The following ERN1 variants were observed in gnomAD, a reference collection of about 807,000 sequenced individuals.
ERN1 encodes the protein endoplasmic reticulum to nucleus signaling 1.
Under a neutral mutation model 113.1 loss-of-function variants are expected in ERN1, and 39 were observed. The observed-to-expected ratio is 0.34, with a 90% confidence interval of 0.27 to 0.45. The LOEUF is 0.45. Ranked by LOEUF, ERN1 falls within the 20% of genes least tolerant of loss-of-function variation. The pLI, the probability that ERN1 is intolerant of heterozygous loss-of-function variation, is 1.00. For missense variants in ERN1, 976 were observed against 1,274.8 expected (o/e 0.77, Z 3.57); for synonymous variants, 507 against 515.9 (o/e 0.98, Z 0.23).
intron 1 of ERN1, among the ~76,000 whole-genome samples, chr17:64,119,949 G>A (rs1362146592): frequency 6.6e-6 from 1 of 151,964 alleles, no homozygotes; most frequent in Non-Finnish European, 1.5e-5. Flanking sequence ...TAGAGATGGG[G>A]TCTTTCATTG....
At chr17:64,089,175 C>A (rs146322950) in intron 2 of ERN1, among the ~76,000 whole-genome samples, 127 of 151,836 alleles carry the variant, frequency 8.4e-4, no homozygotes, top group Non-Finnish European at 1.5e-3. Flanking sequence ...AAAAATTAGC[C>A]GGGCATGGTG....
At chr17:64,085,941 C>G (rs1331459675) in intron 2 of ERN1, among the ~76,000 whole-genome samples, 1 of 152,210 alleles carries the variant, frequency 6.6e-6, no homozygotes, top group Non-Finnish European at 1.5e-5. Flanking sequence ...TTAAGGGAGA[C>G]TGAGTGAGCT....
At chr17:64,127,776 A>AAGTAGT (rs988595332) in intron 1 of ERN1, among the ~76,000 whole-genome samples, 47 of 145,936 alleles carry the variant, frequency 3.2e-4, no homozygotes, top group Non-Finnish European at 5.8e-4. Flanking sequence ...AAAAAAAAAG[A>AAGTAGT]AGTAGTAGTA....
chr17:64,068,342 T>A, intron 6 of ERN1, 51 bp from the exon 7 acceptor site: 1 of 1,265,264 alleles, frequency 7.9e-7, no homozygotes, highest in Non-Finnish European at 1.1e-6. Flanking sequence ...CCATAGTACC[T>A]ACTGAGGTGT....
At chr17:64,127,904 A>C (rs1567891944) in intron 1 of ERN1, among the ~76,000 whole-genome samples, 1 of 151,272 alleles carries the variant, frequency 6.6e-6, no homozygotes, top group Non-Finnish European at 1.5e-5. Flanking sequence ...TTAACTGCAA[A>C]CTTTGCTATG....
In ERN1 at chr17:64,091,776, G is replaced by A. The variant is rs138213490; in HGVS notation, c.175+6345C>T. The stretch of plus-strand genomic sequence containing the variant: ...GCCCAGGGAGTTGGGGCGGGGGGGC[G>A]GCGGTGAGAGACCACGAATGGCCTT... On this transcript the variant is annotated intron_variant, in intron 2 of 21. Transcript: ENST00000433197. 2.1e-3 allele frequency among the ~76,000 whole-genome samples: 314 copies of A among 152,194 alleles called. 2 individuals carry two copies. Among genetic ancestry groups the A allele is most frequent in the African/African-American group, 7.2e-3 (300 of 41,514 alleles).
intron 1 of ERN1, among the ~76,000 whole-genome samples, chr17:64,099,277 A>AC (rs1555618046): frequency 6.7e-6 from 1 of 148,422 alleles, no homozygotes; most frequent in African/African-American, 2.5e-5. Flanking sequence ...TACTGGACAG[A>AC]TTTTTTTTTT....
intron 7 of ERN1, among the ~76,000 whole-genome samples, chr17:64,067,635 G>C (rs1913277184): frequency 6.6e-6 from 1 of 151,618 alleles, no homozygotes; most frequent in South Asian, 2.1e-4. Context: ...AAAACACCCT[G>C]AAAGTCAGAC....
rs534996373 is a variant in ERN1, at chr17:64,093,960, G to A, written c.175+4161C>T. 7.9e-5 allele frequency among the ~76,000 whole-genome samples: 12 copies of A among 152,278 alleles called. 1 individual carries two copies. The highest frequency in any genetic ancestry group is 1.2e-4 in the African/African-American group (5 of 41,564). On this transcript the variant is annotated intron_variant, in intron 2 of 21. Transcript: ENST00000433197. ...TTTTCTGGTGGTCACAGAGACTAGCGGACTTTACAGGCACTAAGTGTGGGG... is the reference window on the plus strand; with the variant it reads ...TTTTCTGGTGGTCACAGAGACTAGCAGACTTTACAGGCACTAAGTGTGGGG...
At position 64,044,606 on chromosome 17, in the gene ERN1, C is replaced by A. The variant is rs553411918; in HGVS notation, c.2721+254G>T. Reference sequence around the variant, plus strand: ...AGGGAGAGGGCCCCACAAAAGTCAGCGACCAGAGACCATGAGGGACATGGG... The same window carrying A: ...AGGGAGAGGGCCCCACAAAAGTCAGAGACCAGAGACCATGAGGGACATGGG... On this transcript the variant is annotated intron_variant, in intron 21 of 21. Coordinates refer to ENST00000433197, the MANE Select transcript of ERN1 (RefSeq NM_001433.5). This position sits in a 1 kb window ranked among gnomAD's most constrained non-coding sequence, Gnocchi z 4.1. Among the ~76,000 whole-genome samples, 6 of 152,340 alleles carry A rather than the reference C, an allele frequency of 3.9e-5. No individual in the cohort carries two copies. In the South Asian group the frequency reaches 1.2e-3, roughly 32 times the overall value.
intron 1 of ERN1, among the ~76,000 whole-genome samples, chr17:64,124,287 GC>G (rs1302931830): frequency 6.6e-6 from 1 of 152,110 alleles, no homozygotes; most frequent in Non-Finnish European, 1.5e-5. Context: ...AAATGTCCAC[GC>G]AAAAATTTGT....
intron 9 of ERN1, 74 bp from the exon 10 acceptor site, chr17:64,064,225 T>C: frequency 6.7e-7 from 1 of 1,481,666 alleles, no homozygotes; most frequent in Non-Finnish European, 9.0e-7. Flanking sequence ...TCCCAGCCAC[T>C]GTCCTGAAAG....
At chr17:64,116,572 C>T (rs1241818579) in intron 1 of ERN1, among the ~76,000 whole-genome samples, 6 of 151,816 alleles carry the variant, frequency 4.0e-5, no homozygotes, top group Non-Finnish European at 2.9e-5. Context: ...ACTTTCTTAC[C>T]GCATTTCAAT....
rs533678510 is a variant in ERN1 at position 64,097,843 on chromosome 17, A to G, written c.175+278T>C. On this transcript the variant is annotated intron_variant, in intron 2 of 21. Coordinates refer to ENST00000433197, the MANE Select transcript of ERN1 (RefSeq NM_001433.5). ...TCATAAAGACCAACTAGCTAGAGCT[A>G]TTAATAGAAAAGCCTAGAGCCATTT... The G allele has an allele frequency of 1.4e-3, 504 of 351,238 alleles. 5 individuals are homozygous for G. The highest frequency in any genetic ancestry group is 0.011 in the Middle Eastern group (13 of 1,184). 21.8% of individuals were successfully genotyped at this position (351,238 alleles called of 1,614,324 possible).
At chr17:64,073,595 G>T (rs939433895) in intron 5 of ERN1, among the ~76,000 whole-genome samples, 1 of 152,108 alleles carries the variant, frequency 6.6e-6, no homozygotes, top group South Asian at 2.1e-4. Flanking sequence ...GGGTTCAAGC[G>T]ATACTGCTGC....
intron 2 of ERN1, among the ~76,000 whole-genome samples, chr17:64,094,558 G>A (rs1011026061): frequency 7.3e-5 from 11 of 151,500 alleles, no homozygotes; most frequent in African/African-American, 2.2e-4. Context: ...CTCTCTCTGA[G>A]CTGATCTCCT....
intron 1 of ERN1, among the ~76,000 whole-genome samples, chr17:64,108,299 G>C (rs577080868): frequency 2.2e-4 from 33 of 152,174 alleles, no homozygotes; most frequent in African/African-American, 6.5e-4. Flanking sequence ...CCCCCAAACT[G>C]GTTTTGGGGC....
At chr17:64,097,984 C>T (rs1914274781) in intron 2 of ERN1, 137 bp downstream of exon 2, 2 of 1,161,680 alleles carry the variant, frequency 1.7e-6, no homozygotes, top group Non-Finnish European at 2.4e-6. Flanking sequence ...ATGCCTTTTC[C>T]TCTCTTGATC....
chr17:64,104,401 C>T (rs539128615), intron 1 of ERN1, among the ~76,000 whole-genome samples: 1 of 152,212 alleles, frequency 6.6e-6, no homozygotes, highest in Non-Finnish European at 1.5e-5. Flanking sequence ...AGATTCAGAA[C>T]GTGTGAAAGC....
Sources: gnomAD v4.1 joint callset for allele counts (sites outside exome capture counted in the v4.1 genomes callset) on GRCh38, gnomAD v4.1.1 for gene constraint, Gnocchi (gnomAD v3.1) non-coding constraint, MANE v1.5 for transcripts, NCBI Gene and HGNC (gene_info 2026-07-23, HGNC 2026-07-21) for gene names.